PCDHGB2: variants seen among roughly 807,000 people sequenced by gnomAD.
PCDHGB2 encodes protocadherin gamma subfamily B, 2.
A neutral mutation model predicts 59.3 loss-of-function variants in PCDHGB2; 55 were observed. The observed-to-expected ratio is 0.93, with a 90% CI of 0.75 to 1.16. The LOEUF (loss-of-function observed/expected upper bound fraction) is 1.16. Among genes scored for constraint, PCDHGB2 ranks in the 50% most tolerant of loss-of-function variants. The pLI is 0.00. For missense variants in PCDHGB2, 1,228 were observed against 1,198.5 expected, an observed-to-expected ratio of 1.02 and a Z score of -0.36; for synonymous variants, 516 against 512.0, an observed-to-expected ratio of 1.01 and a Z score of -0.11.
At chr5:141,442,452 CA>C (rs2098325918) in intron 1 of PCDHGB2, 1 of 152,226 alleles carries the variant, frequency 6.6e-6, no homozygotes, top group Admixed American at 6.5e-5. Flanking sequence ...GACTCAATAG[CA>C]GTTTCACTGC....
At chr5:141,483,706 C>T (rs1187078630) in intron 1 of PCDHGB2, among the ~76,000 whole-genome samples, 1 of 151,926 alleles carries the variant, frequency 6.6e-6, no homozygotes, top group African/African-American at 2.4e-5. Context: ...CTTTTTGACA[C>T]CAGAATATTG....
At chr5:141,382,520 G>A (rs1778262322) in intron 1 of PCDHGB2, among the ~76,000 whole-genome samples, 1 of 152,192 alleles carries the variant, frequency 6.6e-6, no homozygotes, top group South Asian at 2.1e-4. Context: ...TTAATTCAGT[G>A]TCTTAAAATG....
intron 1 of PCDHGB2, among the ~76,000 whole-genome samples, chr5:141,474,085 AAAAC>A (rs937548165): frequency 1.3e-5 from 2 of 152,188 alleles, no homozygotes; most frequent in African/African-American, 4.8e-5. Flanking sequence ...CAAAAACCAA[AAAAC>A]AAACAACAAC....
chr5:141,462,336 T>C (rs2099037439), intron 1 of PCDHGB2, among the ~76,000 whole-genome samples: 1 of 152,238 alleles, frequency 6.6e-6, no homozygotes, highest in African/African-American at 2.4e-5. Flanking sequence ...TTTAATTGTA[T>C]TGTGATCCAA....
At chr5:141,376,055 G>C in intron 1 of PCDHGB2, 2 of 1,613,350 alleles carry the variant, frequency 1.2e-6, no homozygotes, top group Non-Finnish European at 1.7e-6. Flanking sequence ...CTCCGCCACT[G>C]TCACGCTCAC....
rs774630488 is a variant in PCDHGB2 at position 141,490,640 on chromosome 5, G to A, written c.2422-4167G>A. On this transcript the variant is annotated intron_variant, in intron 1 of 3. Transcript: ENST00000522605. The surrounding 1 kb of genome is among the most constrained non-coding windows in gnomAD (Gnocchi z 5.4). Reference sequence around the variant, plus strand: ...TACACTGCTTACATCCTAGAAAACCGGCCTCCGGGCTCCCTTCTTTGCACT... The same window carrying A: ...TACACTGCTTACATCCTAGAAAACCAGCCTCCGGGCTCCCTTCTTTGCACT... 2.6e-5 allele frequency: 42 copies of A among 1,614,004 alleles called. No individual in the cohort carries two copies. The highest frequency in any genetic ancestry group is 1.6e-4 in the Middle Eastern group (1 of 6,084).
chr5:141,372,676 C>G (rs370799055), intron 1 of PCDHGB2: 1 of 1,613,898 alleles, frequency 6.2e-7, no homozygotes, highest in African/African-American at 1.3e-5. Context: ...TCACATTCCT[C>G]AAACACCGAG....
chr5:141,371,333 T>C, intron 1 of PCDHGB2: 2 of 1,613,850 alleles, frequency 1.2e-6, no homozygotes, highest in Non-Finnish European at 1.7e-6. Context: ...AAGAGAGAGA[T>C]AGCTACACAA....
At chr5:141,496,509 C>A (rs955577717) in intron 2 of PCDHGB2, among the ~76,000 whole-genome samples, 3 of 152,168 alleles carry the variant, frequency 2.0e-5, no homozygotes, top group Non-Finnish European at 4.4e-5. Context: ...GCCACAAGGA[C>A]CCAGGAGCCC....
At chr5:141,369,467 G>T (rs1766263105) in intron 1 of PCDHGB2, among the ~76,000 whole-genome samples, 1 of 152,022 alleles carries the variant, frequency 6.6e-6, no homozygotes, top group South Asian at 2.1e-4. Context: ...AGGTGTTCTA[G>T]CCCAGCCTGG....
chr5:141,365,709 C>G (rs1476757852), intron 1 of PCDHGB2: 2 of 1,613,646 alleles, frequency 1.2e-6, no homozygotes, highest in African/African-American at 2.7e-5. Context: ...TACTCCACCT[C>G]TGTCACAGAA....
At chr5:141,394,471 T>C (rs2093007845) in intron 1 of PCDHGB2, 3 of 1,614,250 alleles carry the variant, frequency 1.9e-6, no homozygotes, top group Non-Finnish European at 2.5e-6. Flanking sequence ...CTGTTCGTGC[T>C]GGACCAGAAT....
Position 141,384,108 on chromosome 5 carries a change from AT to A in PCDHGB2, c.2421+21554del. 1.9e-6 allele frequency: 3 copies of A among 1,603,570 alleles called. No individual in the cohort carries two copies. In the East Asian group the frequency reaches 6.8e-5, roughly 36 times the overall value. Reference sequence around the variant, plus strand: ...AAAAATCAATAGATAATTATTATAGATTGGTCACAACCAAAAACTTGGACCG... The same window carrying A: ...AAAAATCAATAGATAATTATTATAGATGGTCACAACCAAAAACTTGGACCG... On this transcript the variant is annotated intron_variant, in intron 1 of 3. Transcript: ENST00000522605.
intron 3 of PCDHGB2, chr5:141,508,338 A>T (rs1245526252): frequency 1.3e-5 from 2 of 152,224 alleles, no homozygotes; most frequent in Non-Finnish European, 2.9e-5. Flanking sequence ...AACTGACTCT[A>T]CAGAAAGTCA....
chr5:141,390,158 A>G, intron 1 of PCDHGB2: 1 of 1,614,042 alleles, frequency 6.2e-7, no homozygotes, highest in Non-Finnish European at 8.5e-7. Context: ...CACATACAGG[A>G]AAGACGGAGT....
intron 1 of PCDHGB2, among the ~76,000 whole-genome samples, chr5:141,451,067 A>G (rs948528671): frequency 6.6e-6 from 1 of 151,848 alleles, no homozygotes; most frequent in African/African-American, 2.4e-5. Flanking sequence ...TGACCTTGTG[A>G]TCCACCCACC....
intron 1 of PCDHGB2, chr5:141,404,248 G>T (rs1404333144): frequency 6.2e-7 from 1 of 1,613,694 alleles, no homozygotes; most frequent in South Asian, 1.1e-5. Flanking sequence ...CTCCGCCCCT[G>T]TCCACAGAAA....
chr5:141,410,358 T>C, intron 1 of PCDHGB2: 2 of 1,614,070 alleles, frequency 1.2e-6, no homozygotes, highest in Non-Finnish European at 8.5e-7. Flanking sequence ...CGACGCTCTC[T>C]CAGCCCTGCT....
At position 141,490,664 on chromosome 5, in the gene PCDHGB2, C is replaced by T; in HGVS notation, c.2422-4143C>T. 6.2e-7 allele frequency: 1 copy of T among 1,614,212 alleles called. No homozygotes were observed. The highest frequency in any genetic ancestry group is 1.1e-5 in the South Asian group (1 of 91,084). On this transcript the variant is annotated intron_variant, in intron 1 of 3. Coordinates refer to ENST00000522605, the MANE Select transcript of PCDHGB2 (RefSeq NM_018923.3). The surrounding 1 kb of genome is among the most constrained non-coding windows in gnomAD (Gnocchi z 5.4). ...CGGCCTCCGGGCTCCCTTCTTTGCA[C>T]TGTGGCTGCCTCAGATCCAGACACT...
Sources: gnomAD v4.1 joint callset for allele counts (sites outside exome capture counted in the v4.1 genomes callset) on GRCh38, gnomAD v4.1.1 for gene constraint, Gnocchi (gnomAD v3.1) non-coding constraint, MANE v1.5 for transcripts, NCBI Gene and HGNC (gene_info 2026-07-23, HGNC 2026-07-21) for gene names.